AP1G1: variants seen among roughly 807,000 people sequenced by gnomAD.
AP1G1 encodes AP-1 complex subunit gamma-1.
In AP1G1, 7 loss-of-function variants were observed where a neutral mutation model predicts 108.3. The ratio of observed to expected loss-of-function variants is 0.06; its 90% CI spans 0.04 to 0.12. AP1G1 has a LOEUF of 0.12. Ranked by LOEUF, AP1G1 falls within the 10% of genes least tolerant of loss-of-function variation. The pLI, the probability that AP1G1 is intolerant of heterozygous loss-of-function variation, is 1.00. For missense variants in AP1G1, 756 were observed against 1,010.7 expected, an observed-to-expected ratio of 0.75 and a Z score of 3.42; for synonymous variants, 379 against 353.5, an observed-to-expected ratio of 1.07 and a Z score of -0.81.
At position 71,732,801 on chromosome 16, in the gene AP1G1, G is replaced by A. The variant is rs535337952; in HGVS notation, c.*257C>T. On this transcript the variant is annotated 3_prime_UTR_variant, in exon 23 of 23. Coordinates refer to ENST00000299980, the MANE Select transcript of AP1G1 (RefSeq NM_001128.6). ...TTCTGGCTGTAAATGTGGGAGGGGT[G>A]GAGAAGTGCGGAAAAAGGAGAAGAG... 9 of 373,812 alleles carry A rather than the reference G, an allele frequency of 2.4e-5. No individual in the cohort carries two copies. Among genetic ancestry groups the A allele is most frequent in the Non-Finnish European group, 4.4e-5 (9 of 206,162 alleles). The allele number at this position is 373,812 out of a possible 1,614,324, so 23.2% of individuals were successfully genotyped here.
At chr16:71,759,543 G>A (rs1487056775) in intron 10 of AP1G1, among the ~76,000 whole-genome samples, 1 of 151,880 alleles carries the variant, frequency 6.6e-6, no homozygotes, top group African/African-American at 2.4e-5. Flanking sequence ...GGCGGATCAA[G>A]AGGTCAGGAG....
At chr16:71,734,764 G>T in intron 21 of AP1G1, 57 bp from the exon 22 acceptor site, 1 of 1,433,884 alleles carries the variant, frequency 7.0e-7, no homozygotes, top group Non-Finnish European at 9.8e-7. Context: ...CTAGGTCAGA[G>T]ATACCAAAAA....
intron 13 of AP1G1, 135 bp downstream of exon 13, chr16:71,753,698 G>C: frequency 1.3e-6 from 1 of 783,458 alleles, no homozygotes; most frequent in Non-Finnish European, 2.2e-6. Flanking sequence ...TTTCTTCATG[G>C]CATTTATTCC....
intron 2 of AP1G1, among the ~76,000 whole-genome samples, chr16:71,789,057 C>T (rs2032308013): frequency 6.6e-6 from 1 of 152,208 alleles, no homozygotes; most frequent in Non-Finnish European, 1.5e-5. Context: ...ACCATCAAAA[C>T]ATTCTCTCAT....
At chr16:71,790,842 A>G (rs755484525) in intron 1 of AP1G1, among the ~76,000 whole-genome samples, 27 of 152,232 alleles carry the variant, frequency 1.8e-4, no homozygotes, top group Admixed American at 5.2e-4. Flanking sequence ...CTTCACACAC[A>G]ACCACAAAGT....
At chr16:71,784,340 C>A (rs963435060) in intron 2 of AP1G1, among the ~76,000 whole-genome samples, 1 of 152,182 alleles carries the variant, frequency 6.6e-6, no homozygotes, top group African/African-American at 2.4e-5. Flanking sequence ...TGGTTCTCTG[C>A]AGTTTTGCTC....
chr16:71,769,205 C>T (rs778376284), intron 6 of AP1G1, among the ~76,000 whole-genome samples: 5 of 151,714 alleles, frequency 3.3e-5, no homozygotes, highest in Admixed American at 6.6e-5. Flanking sequence ...ATCACTTGAA[C>T]CCAGGAGGAG....
chr16:71,773,261 T>C lies in AP1G1; in HGVS notation c.428A>G (p.Glu143Gly). Residue 143 changes from glutamate (E) to glycine (G), a missense_variant, in exon 4 of 23, where the codon GAG becomes GGG. Around this residue, in one of 3 missense-constraint regions of AP1G1, gnomAD observed 304 missense variants for 483.6 expected, o/e 0.63. Transcript: ENST00000299980. ...AGAGTTGGAGGTTTTCAGGAGCTTCTCTACCTCTCCTGCAAGATCTCTGCA... is the reference window on the plus strand; with the variant it reads ...AGAGTTGGAGGTTTTCAGGAGCTTCCCTACCTCTCCTGCAAGATCTCTGCA... ...EMCRDLAGEV[E>G]KLLKTSNSYL... The C allele has an allele frequency of 1.9e-6, 3 of 1,613,750 alleles. No individual in the cohort carries two copies. Among genetic ancestry groups the C allele is most frequent in the Non-Finnish European group, 2.5e-6 (3 of 1,179,934 alleles).
At chr16:71,772,217 G>A (rs1323929465) in intron 4 of AP1G1, among the ~76,000 whole-genome samples, 2 of 151,216 alleles carry the variant, frequency 1.3e-5, no homozygotes, top group Non-Finnish European at 2.9e-5. Flanking sequence ...TGCAAGCTCC[G>A]CCTCCTGGGT....
rs1369987611 is a variant in AP1G1, at chr16:71,732,592, C to G, written c.*466G>C. The G allele has an allele frequency of 1.3e-5, 2 of 153,490 alleles. No individual in the cohort carries two copies. The highest frequency in any genetic ancestry group is 4.8e-5 in the African/African-American group (2 of 41,458). The allele number at this position is 153,490 out of a possible 1,614,324, so 9.5% of individuals were successfully genotyped here. ...TCCGAATGCCAGATGTTAAAAGTGC[C>G]TGAAGATGGTAACCCAGCTAGTGAG... On this transcript the variant is annotated 3_prime_UTR_variant, in exon 23 of 23. Transcript: ENST00000299980.
Position 71,771,160 on chromosome 16 carries a change from G to A in AP1G1, c.561C>T (p.Asn187=). 2 of 1,583,072 alleles carry A rather than the reference G, an allele frequency of 1.3e-6. No individual in the cohort carries two copies. Among genetic ancestry groups the A allele is most frequent in the Non-Finnish European group, 1.7e-6 (2 of 1,154,676 alleles). The change falls in exon 5 of 23, where the codon AAC becomes AAT. Residue 187 remains asparagine, a synonymous_variant. Transcript: ENST00000299980. Reference sequence around the variant, plus strand: ...AATACATCCAAATTACATTACCATGGTTCTTCTCATTCAATAAATTTTTTG... The same window carrying A: ...AATACATCCAAATTACATTACCATGATTCTTCTCATTCAATAAATTTTTTG... ...PATKNLLNEK[N]HGVLHTSVVL...
intron 9 of AP1G1, among the ~76,000 whole-genome samples, 178 bp from the exon 10 acceptor site, chr16:71,761,745 G>A (rs1378476761): frequency 6.7e-6 from 1 of 148,988 alleles, no homozygotes; most frequent in Non-Finnish European, 1.5e-5. Context: ...CAAGGCCGGT[G>A]GATCGCCAGG....
intron 1 of AP1G1, chr16:71,808,238 G>C (rs1272744605): frequency 5.5e-6 from 6 of 1,081,618 alleles, no homozygotes; most frequent in Non-Finnish European, 5.7e-6. Flanking sequence ...AATTGGGAAA[G>C]AAGTTGGTCG....
rs747736800 is a variant in AP1G1 at position 71,745,559 on chromosome 16, T to C, written c.1786A>G (p.Thr596Ala). ...VMEKVTTNGP[T>A]EIVQTNGETE... Reference sequence around the variant, plus strand: ...TCTCCATTTGTCTGCACAATCTCAGTAGGGCCATTTGTGGTCACTTTTTCC... The same window carrying C: ...TCTCCATTTGTCTGCACAATCTCAGCAGGGCCATTTGTGGTCACTTTTTCC... Residue 596 changes from threonine (T) to alanine (A), a missense_variant, in exon 18 of 23, where the codon ACT becomes GCT. Coordinates refer to ENST00000299980, the MANE Select transcript of AP1G1 (RefSeq NM_001128.6). The C allele has an allele frequency of 4.5e-5, 72 of 1,614,178 alleles. No homozygotes were observed. The South Asian group carries it at 7.6e-4, about 17-fold the overall frequency.
intron 2 of AP1G1, 90 bp downstream of exon 2, chr16:71,789,189 A>G (rs1335986641): frequency 2.4e-6 from 3 of 1,255,454 alleles, no homozygotes; most frequent in Non-Finnish European, 2.3e-6. Context: ...AAGGCTATCA[A>G]AAGTACCTCC....
intron 19 of AP1G1, chr16:71,742,702 A>G: frequency 6.6e-6 from 1 of 152,238 alleles, no homozygotes; most frequent in Non-Finnish European, 1.5e-5. Flanking sequence ...GGGTGCGGTG[A>G]CTCATGCCTG....
At position 71,746,658 on chromosome 16, in the gene AP1G1, T is replaced by A. The variant is rs2030197328; in HGVS notation, c.1660A>T (p.Ser554Cys). The A allele has an allele frequency of 6.2e-7, 1 of 1,613,154 alleles. No individual in the cohort carries two copies. Among genetic ancestry groups the A allele is most frequent in the Non-Finnish European group, 8.5e-7 (1 of 1,179,680 alleles). ...CTCTGCTGGAGTTCCACATCAATGC[T>A]GCTTCCGTAGATGGAAACCACTTTC... ...IKKVVSIYGS[S>C]IDVELQQRAV... is the part of the protein sequence containing the mutation. The change falls in exon 17 of 23, where the codon AGC becomes TGC. Residue 554 changes from serine (S) to cysteine (C), a missense_variant. Physicochemically the swap from Ser to Cys is moderately radical, Grantham distance 112. Coordinates refer to ENST00000299980, the MANE Select transcript of AP1G1 (RefSeq NM_001128.6).
rs777790409 is a variant in AP1G1, at chr16:71,774,617, A to T, written c.202-25T>A. 4.5e-6 allele frequency: 7 copies of T among 1,547,202 alleles called. No individual in the cohort carries two copies. The African/African-American group carries it at 9.8e-5, about 22-fold the overall frequency. ...ACTGCAAAAAAAGAAAAAAAAAAAGAAGGAAATTAAAACTTGCTACCACAA... is the reference window on the plus strand; with the variant it reads ...ACTGCAAAAAAAGAAAAAAAAAAAGTAGGAAATTAAAACTTGCTACCACAA... On this transcript the variant is annotated intron_variant, in intron 2 of 22. Transcript: ENST00000299980.
At chr16:71,808,150 G>A (rs2033061083) in intron 1 of AP1G1, 1 of 1,149,060 alleles carries the variant, frequency 8.7e-7, no homozygotes, top group Non-Finnish European at 1.1e-6. Context: ...AGGGCCAGGA[G>A]CTGAGAAAAG....
Sources: allele counts gnomAD v4.1 joint callset (sites outside exome capture counted in the v4.1 genomes callset), GRCh38; gene constraint gnomAD v4.1.1; regional missense constraint gnomAD v4.1.1; transcripts MANE v1.5; gene names NCBI Gene and HGNC (gene_info 2026-07-23, HGNC 2026-07-21).